PSD3: variants seen among roughly 807,000 people sequenced by gnomAD.
PSD3 encodes the protein PH and SEC7 domain-containing protein 3.
In PSD3, 49 loss-of-function variants were observed where a neutral mutation model predicts 105.5. That is an observed-to-expected ratio of 0.46 (90% CI 0.37 to 0.59). PSD3 has a LOEUF of 0.59. Ranked by LOEUF, PSD3 falls within the 20% of genes least tolerant of loss-of-function variation. The probability of loss-of-function intolerance (pLI) is 0.00; values close to 1 mark genes in which losing one functional copy is unlikely to be tolerated. For missense variants in PSD3, 1,561 were observed against 1,263.8 expected, an observed-to-expected ratio of 1.24 and a Z score of -3.57; for synonymous variants, 557 against 457.8, an observed-to-expected ratio of 1.22 and a Z score of -2.77.
At chr8:18,786,410 A>C (rs1809161880) in intron 8 of PSD3, among the ~76,000 whole-genome samples, 1 of 152,244 alleles carries the variant, frequency 6.6e-6, no homozygotes, top group Non-Finnish European at 1.5e-5. Context: ...AGTAAAGTCT[A>C]TGAAGCTATT....
chr8:18,987,248 GATTT>G (rs995422836), intron 1 of PSD3, among the ~76,000 whole-genome samples: 16 of 150,924 alleles, frequency 1.1e-4, no homozygotes, highest in African/African-American at 3.6e-4. Flanking sequence ...AAATAAATGA[GATTT>G]ATTTTAGAGA....
upstream of PSD3, among the ~76,000 whole-genome samples, chr8:19,014,967 C>T (rs937614865): frequency 1.3e-5 from 2 of 152,216 alleles, no homozygotes; most frequent in African/African-American, 2.4e-5. This position sits in a 1 kb window ranked among gnomAD's most constrained non-coding sequence, Gnocchi z 4.9. Flanking sequence ...CATGCTCCCC[C>T]TGCCAGAGCA....
chr8:18,575,518 AGTTT>A (rs1474423092), intron 12 of PSD3, among the ~76,000 whole-genome samples: 1 of 152,314 alleles, frequency 6.6e-6, no homozygotes, highest in Admixed American at 6.5e-5. Context: ...TTTAAAAATC[AGTTT>A]TTTTAAAAAA....
At chr8:18,743,073 G>C (rs1484106994) in intron 9 of PSD3, among the ~76,000 whole-genome samples, 1 of 152,152 alleles carries the variant, frequency 6.6e-6, no homozygotes, top group Non-Finnish European at 1.5e-5. Context: ...AATATTGATA[G>C]CAGGCTTCTC....
upstream of PSD3, among the ~76,000 whole-genome samples, chr8:19,018,061 C>T (rs1286891660): frequency 6.6e-6 from 1 of 152,148 alleles, no homozygotes; most frequent in Non-Finnish European, 1.5e-5. Context: ...CACCCACACT[C>T]ATTATTGTTT....
At position 18,804,496 on chromosome 8, in the gene PSD3, C is replaced by T. The variant is rs199512934; in HGVS notation, c.1910+26G>A. ...AGAACTAATCATTTGAAAGCAATGA[C>T]GAGCAGCAAGGAGGCTTAGTCATAC... On this transcript the variant is annotated intron_variant, in intron 6 of 15. Transcript: ENST00000327040. 3.0e-4 allele frequency: 459 copies of T among 1,544,012 alleles called. 1 individual carries two copies. Among genetic ancestry groups the T allele is most frequent in the Non-Finnish European group, 3.9e-4 (437 of 1,122,412 alleles).
chr8:19,050,182 G>T (rs779469277), intron 1 of PSD3, among the ~76,000 whole-genome samples: 1 of 152,156 alleles, frequency 6.6e-6, no homozygotes, highest in Non-Finnish European at 1.5e-5. Flanking sequence ...AAAAAAGAAA[G>T]TGTTCTAATT....
intron 14 of PSD3, among the ~76,000 whole-genome samples, chr8:18,562,879 ACT>A (rs1393044787): frequency 6.6e-6 from 1 of 151,194 alleles, no homozygotes; most frequent in Admixed American, 6.6e-5. Flanking sequence ...ACAGAGTGAG[ACT>A]CTGTCTAGAT....
At chr8:18,780,093 C>T (rs1198813413) in intron 8 of PSD3, among the ~76,000 whole-genome samples, 1 of 152,194 alleles carries the variant, frequency 6.6e-6, no homozygotes, top group African/African-American at 2.4e-5. Flanking sequence ...CTTTCTATAT[C>T]TGCATGCTCC....
Position 18,827,619 on chromosome 8 carries a change from G to A in PSD3, c.1635-22721C>T, listed in dbSNP as rs6993118. Among the ~76,000 whole-genome samples the A allele has an allele frequency of 9.5e-3, 1,446 of 152,272 alleles. 30 individuals are homozygous for A. The highest frequency in any genetic ancestry group is 0.033 in the African/African-American group (1,369 of 41,522). On this transcript the variant is annotated intron_variant, in intron 4 of 15. Coordinates refer to ENST00000327040, the MANE Select transcript of PSD3 (RefSeq NM_015310.4). ...AGTATCTGGCAAGTAAGTGCTATGA[G>A]AGTGTTTTTTAAGAGGGTGAGACTG...
chr8:18,542,606 G>A (rs1480083273), intron 15 of PSD3, among the ~76,000 whole-genome samples: 16 of 152,164 alleles, frequency 1.1e-4, no homozygotes, highest in African/African-American at 3.9e-4. Context: ...CATAGTTCCA[G>A]ATAGGGCACA....
chr8:18,961,668 G>C (rs1432809786), intron 1 of PSD3, among the ~76,000 whole-genome samples: 1 of 152,208 alleles, frequency 6.6e-6, no homozygotes. Context: ...TCCAGCCTGG[G>C]TGACAGAGCG....
chr8:18,578,564 C>A (rs1467871342), intron 12 of PSD3, among the ~76,000 whole-genome samples: 2 of 152,062 alleles, frequency 1.3e-5, no homozygotes, highest in African/African-American at 4.8e-5. Flanking sequence ...GTCTAACAAA[C>A]TGCTACAGGT....
intron 2 of PSD3, among the ~76,000 whole-genome samples, chr8:18,928,349 G>C (rs1004047013): frequency 7.2e-5 from 11 of 152,270 alleles, no homozygotes; most frequent in Admixed American, 3.3e-4. Context: ...CCATGATTGT[G>C]AGGCCTCTCC....
chr8:18,796,949 A>T (rs1810238533), intron 8 of PSD3, among the ~76,000 whole-genome samples: 1 of 152,154 alleles, frequency 6.6e-6, no homozygotes, highest in Non-Finnish European at 1.5e-5. Context: ...GCATGATTCG[A>T]TTTCATAGGG....
intron 14 of PSD3, among the ~76,000 whole-genome samples, chr8:18,558,401 C>T (rs1048792065): frequency 6.6e-6 from 1 of 152,064 alleles, no homozygotes; most frequent in African/African-American, 2.4e-5. Flanking sequence ...ATATGAAAAA[C>T]ACCCATGAAT....
At chr8:18,823,899 G>A (rs1398048884) in intron 4 of PSD3, among the ~76,000 whole-genome samples, 2 of 152,094 alleles carry the variant, frequency 1.3e-5, no homozygotes, top group Non-Finnish European at 2.9e-5. Flanking sequence ...AAAAAGTGAG[G>A]TCAGGCATGG....
intron 1 of PSD3, among the ~76,000 whole-genome samples, chr8:18,989,955 C>T (rs1049826912): frequency 6.6e-6 from 1 of 152,156 alleles, no homozygotes; most frequent in African/African-American, 2.4e-5. Flanking sequence ...TAAATGGCAA[C>T]TCCAAGAATC....
intron 11 of PSD3, among the ~76,000 whole-genome samples, chr8:18,602,274 T>G (rs1321025620): frequency 1.3e-5 from 2 of 152,122 alleles, no homozygotes; most frequent in Admixed American, 6.6e-5. Context: ...TTTAAACAGC[T>G]CTTTCTCATT....
Sources: gnomAD v4.1 joint callset for allele counts (sites outside exome capture counted in the v4.1 genomes callset) on GRCh38, gnomAD v4.1.1 for gene constraint, Gnocchi (gnomAD v3.1) non-coding constraint, MANE v1.5 for transcripts, NCBI Gene and HGNC (gene_info 2026-07-23, HGNC 2026-07-21) for gene names.